COPS7B: variants seen among roughly 807,000 people sequenced by gnomAD.
COPS7B encodes the protein COP9 signalosome complex subunit 7b.
A neutral mutation model predicts 33.4 loss-of-function variants in COPS7B; 9 were observed. The observed-to-expected ratio is 0.27, with a 90% CI of 0.16 to 0.47. The LOEUF (loss-of-function observed/expected upper bound fraction) is 0.47, where lower values mean the gene tolerates loss of function less well. Ranked by LOEUF, COPS7B falls within the 20% of genes least tolerant of loss-of-function variation. The pLI, the probability that COPS7B is intolerant of heterozygous loss-of-function variation, is 0.99. For synonymous variants in COPS7B, 119 were observed against 126.3 expected (o/e 0.94, Z 0.39); for missense variants, 242 against 318.2 (o/e 0.76, Z 1.82).
intron 5 of COPS7B, among the ~76,000 whole-genome samples, chr2:231,797,898 T>C (rs191939798): frequency 1.2e-3 from 185 of 152,338 alleles, no homozygotes; most frequent in African/African-American, 4.2e-3. Flanking sequence ...TTTTTGTTTG[T>C]TGTTTTTTGA....
At chr2:231,804,893 T>C (rs2049847596) in intron 6 of COPS7B, among the ~76,000 whole-genome samples, 1 of 152,206 alleles carries the variant, frequency 6.6e-6, no homozygotes, top group Non-Finnish European at 1.5e-5. Context: ...TAAACTAAAG[T>C]CATGTCGTTA....
At chr2:231,807,384 T>C (rs929847433) in intron 6 of COPS7B, 103 bp from the exon 7 acceptor site, 38 of 1,130,198 alleles carry the variant, frequency 3.4e-5, no homozygotes, top group Middle Eastern at 4.1e-4. Flanking sequence ...TCAGGTTTTC[T>C]TGCAGAGGAT....
intron 6 of COPS7B, among the ~76,000 whole-genome samples, chr2:231,803,755 G>C (rs2049814597): frequency 6.6e-6 from 1 of 152,196 alleles, no homozygotes; most frequent in Non-Finnish European, 1.5e-5. Flanking sequence ...ACTGCAGAAG[G>C]ATGATGCGCG....
intron 1 of COPS7B, among the ~76,000 whole-genome samples, chr2:231,787,941 C>G (rs2049298223): frequency 1.3e-5 from 2 of 152,114 alleles, no homozygotes; most frequent in Admixed American, 6.6e-5. Flanking sequence ...TGCTGAGAAA[C>G]TCATGTGTTT....
In COPS7B at chr2:231,807,840, TC is replaced by T; in HGVS notation, c.*198del. The T allele has an allele frequency of 1.9e-6, 1 of 534,120 alleles. No homozygotes were observed. Among genetic ancestry groups the T allele is most frequent in the Non-Finnish European group, 3.3e-6 (1 of 304,136 alleles). The allele number at this position is 534,120 out of a possible 1,614,324, so 33.1% of individuals were successfully genotyped here. ...ACCCACTCCCTCCTTCCCCAGTTGTTCCCTTCAGACTCAGGGGCTCCACCAA... is the reference window on the plus strand; with the variant it reads ...ACCCACTCCCTCCTTCCCCAGTTGTTCCTTCAGACTCAGGGGCTCCACCAA... On this transcript the variant is annotated 3_prime_UTR_variant, in exon 7 of 7. Transcript: ENST00000350033.
At chr2:231,802,893 CTGTAATGGATCCCAGTG>C (rs2049787818) in intron 6 of COPS7B, among the ~76,000 whole-genome samples, 1 of 152,258 alleles carries the variant, frequency 6.6e-6, no homozygotes. Flanking sequence ...CAAAGTGTCT[CTGTAATGGATCCCAGTG>C]TGAGGGCCAT....
intron 6 of COPS7B, among the ~76,000 whole-genome samples, chr2:231,800,143 T>C (rs1166377140): frequency 6.6e-6 from 1 of 152,162 alleles, no homozygotes. Context: ...GCCAAGGAAG[T>C]ATGAGGCTGG....
At chr2:231,797,616 A>G (rs1035880317) in intron 5 of COPS7B, among the ~76,000 whole-genome samples, 3 of 152,196 alleles carry the variant, frequency 2.0e-5, no homozygotes, top group African/African-American at 7.2e-5. Context: ...TGGGATGTTT[A>G]CTAGTAGAAA....
At chr2:231,798,838 G>A (rs1458881535) in intron 5 of COPS7B, 21 bp from the exon 6 acceptor site, 1 of 1,606,434 alleles carries the variant, frequency 6.2e-7, no homozygotes. Context: ...TGCAGCTCAG[G>A]GCTGGTTTTC....
intron 6 of COPS7B, chr2:231,801,107 T>G: frequency 1.3e-6 from 2 of 1,548,384 alleles, no homozygotes; most frequent in South Asian, 2.4e-5. Flanking sequence ...GTCAACTGAT[T>G]GGTGATCTTT....
At chr2:231,782,027 G>T, upstream of COPS7B, 3 of 698,042 alleles carry the variant, frequency 4.3e-6, 1 homozygote, top group South Asian at 3.6e-5. Flanking sequence ...GTTTGCACCG[G>T]GAGAGCTATG....
upstream of COPS7B, among the ~76,000 whole-genome samples, chr2:231,782,855 T>C (rs1489880493): frequency 6.6e-6 from 1 of 152,124 alleles, no homozygotes; most frequent in African/African-American, 2.4e-5. Context: ...AGGTGTAACA[T>C]ACAGTATGGG....
intron 2 of COPS7B, chr2:231,789,027 T>C (rs2049333249): frequency 3.5e-6 from 1 of 288,888 alleles, no homozygotes. Flanking sequence ...ATGGGCTGTT[T>C]AATAGGAGTA....
At chr2:231,793,291 G>T (rs1473960274) in intron 3 of COPS7B, among the ~76,000 whole-genome samples, 1 of 152,214 alleles carries the variant, frequency 6.6e-6, no homozygotes, top group Admixed American at 6.5e-5. Flanking sequence ...GTGGAAACAA[G>T]TGGGATAAAA....
chr2:231,794,981 G>A (rs552392621), intron 4 of COPS7B, among the ~76,000 whole-genome samples: 2 of 150,390 alleles, frequency 1.3e-5, no homozygotes, highest in East Asian at 2.0e-4. Context: ...GTGCAGTGGC[G>A]CAACCTGGGC....
chr2:231,797,030 A>G (rs1366281139), intron 5 of COPS7B, among the ~76,000 whole-genome samples: 3 of 152,194 alleles, frequency 2.0e-5, no homozygotes, highest in Admixed American at 1.3e-4. Context: ...AGATGGACTG[A>G]TTGGAGAAGT....
intron 3 of COPS7B, chr2:231,793,907 C>A (rs1165441376): frequency 5.7e-6 from 1 of 173,998 alleles, no homozygotes; most frequent in Non-Finnish European, 1.2e-5. Flanking sequence ...TCTTGTTCAT[C>A]CTTGATTCTT....
In COPS7B at chr2:231,808,966, G is replaced by T. The variant is rs1462963952; in HGVS notation, c.*1321G>T. ...GTTGCATACCTGGTGGATCTTGAGG[G>T]GCTGGGATTAGGGTGGTTCAGGAAA... On this transcript the variant is annotated 3_prime_UTR_variant, in exon 7 of 7. Transcript: ENST00000350033. 6.5e-6 allele frequency: 1 copy of T among 153,050 alleles called. No individual in the cohort carries two copies. The highest frequency in any genetic ancestry group is 2.4e-5 in the African/African-American group (1 of 41,352). The allele number at this position is 153,050 out of a possible 1,614,324, so 9.5% of individuals were successfully genotyped here.
chr2:231,807,031 T>C (rs1241839560), intron 6 of COPS7B, among the ~76,000 whole-genome samples: 1 of 152,224 alleles, frequency 6.6e-6, no homozygotes, highest in East Asian at 1.9e-4. Flanking sequence ...TGCCAGTACT[T>C]CTATTACATT....
Sources: allele counts gnomAD v4.1 joint callset (sites outside exome capture counted in the v4.1 genomes callset), GRCh38; gene constraint gnomAD v4.1.1; transcripts MANE v1.5; gene names NCBI Gene and HGNC (gene_info 2026-07-23, HGNC 2026-07-21).